Variants in LAMA4 observed in about 807,000 individuals in gnomAD.
LAMA4 encodes the protein laminin subunit alpha 4, also known as laminin subunit alpha-4.
LAMA4 carries 127 observed loss-of-function variants against 207.1 expected under a neutral mutation model. The ratio of observed to expected loss-of-function variants is 0.61; its 90% CI spans 0.53 to 0.71. The LOEUF (loss-of-function observed/expected upper bound fraction) is 0.71, where lower values mean the gene tolerates loss of function less well. LAMA4 is among the 30% of genes least tolerant of loss of function. The pLI, the probability that LAMA4 is intolerant of heterozygous loss-of-function variation, is 0.00. For missense variants in LAMA4, 2,093 were observed against 2,246.5 expected, an observed-to-expected ratio of 0.93 and a Z score of 1.38; for synonymous variants, 761 against 816.0, an observed-to-expected ratio of 0.93 and a Z score of 1.15.
Position 112,175,372 on chromosome 6 carries a change from C to T in LAMA4, c.1298G>A (p.Arg433His), listed in dbSNP as rs369658574. 3.5e-5 allele frequency: 56 copies of T among 1,614,180 alleles called. No individual in the cohort carries two copies. The highest frequency in any genetic ancestry group is 3.3e-4 in the Admixed American group (20 of 60,020). ...CTCCCGTTGGGTGAAAAATGGTTGACGGCTTCTAATCTCTTCAAGCATCTT... is the reference window on the plus strand; with the variant it reads ...CTCCCGTTGGGTGAAAAATGGTTGATGGCTTCTAATCTCTTCAAGCATCTT... ...AQKMLEEIRS[R>H]QPFFTQRELV... The change falls in exon 11 of 39, where the codon CGT becomes CAT. Residue 433 changes from arginine to histidine, a missense_variant. Arg to His is a conservative substitution (Grantham distance 29). This residue lies in a region of LAMA4 where 1,704 missense variants were observed against 1,788.4 expected (regional missense o/e 0.95). Transcript: ENST00000230538.
chr6:112,214,014 G>A, intron 3 of LAMA4: 1 of 763,810 alleles, frequency 1.3e-6, no homozygotes, highest in South Asian at 1.4e-5. Flanking sequence ...CTCCCTGAGA[G>A]CTGAGAATGA....
intron 3 of LAMA4, among the ~76,000 whole-genome samples, chr6:112,209,560 G>A (rs1031447219): frequency 1.3e-5 from 2 of 152,208 alleles, no homozygotes; most frequent in African/African-American, 4.8e-5. Context: ...CAGAGTGCTG[G>A]AGGCAGGGAG....
At chr6:112,234,400 C>G (rs782434275) in intron 2 of LAMA4, 77 of 152,156 alleles carry the variant, frequency 5.1e-4, no homozygotes, top group African/African-American at 1.7e-3. Context: ...CAGTGACTAG[C>G]TGAGATATAG....
rs561133440 is a variant in LAMA4, at chr6:112,244,309, G to A, written c.195+9647C>T. ...ACCAAAAGAAACTCCCACCAGCACC[G>A]TGACAGTTTACAAATGCCATGAAAT... On this transcript the variant is annotated intron_variant, in intron 2 of 38. Transcript: ENST00000230538. Among the ~76,000 whole-genome samples, 18 of 152,200 alleles carry A rather than the reference G, an allele frequency of 1.2e-4. 1 individual carries two copies. In the South Asian group the frequency reaches 1.2e-3, roughly 11 times the overall value.
chr6:112,200,055 A>G (rs1783642913), intron 5 of LAMA4: 1 of 523,654 alleles, frequency 1.9e-6, no homozygotes, highest in Admixed American at 2.0e-5. Context: ...CCTGTCTGAG[A>G]GACTCTTTGA....
At chr6:112,176,696 C>T (rs1342913840) in intron 10 of LAMA4, among the ~76,000 whole-genome samples, 8 of 152,144 alleles carry the variant, frequency 5.3e-5, no homozygotes, top group African/African-American at 1.7e-4. Flanking sequence ...CATTTTGGTG[C>T]AAGTCTTATA....
At chr6:112,226,553 C>T (rs1554362584) in intron 2 of LAMA4, among the ~76,000 whole-genome samples, 2 of 152,198 alleles carry the variant, frequency 1.3e-5, no homozygotes. Context: ...CGGAACATGA[C>T]ATTATAAATT....
intron 36 of LAMA4, 73 bp downstream of exon 36, chr6:112,115,790 T>C: frequency 7.0e-7 from 1 of 1,425,992 alleles, no homozygotes; most frequent in Non-Finnish European, 9.9e-7. Context: ...AATAATTCTG[T>C]GAAATAAATC....
intron 2 of LAMA4, among the ~76,000 whole-genome samples, chr6:112,249,747 G>C (rs1787294843): frequency 6.6e-6 from 1 of 152,270 alleles, no homozygotes; most frequent in African/African-American, 2.4e-5. Flanking sequence ...AGTACTCAAC[G>C]AGTATCAGCT....
chr6:112,191,618 G>A lies in LAMA4; in HGVS notation c.718+18C>T, dbSNP rs782681559. On this transcript the variant is annotated intron_variant, in intron 6 of 38. Transcript: ENST00000230538. ...TCATGCTGGCCAGGCAGCTGGCTTA[G>A]TATTTATGATACTGCACCTGCACAG... 45 of 1,583,268 alleles carry A rather than the reference G, an allele frequency of 2.8e-5. No individual in the cohort carries two copies. The highest frequency in any genetic ancestry group is 3.6e-5 in the Non-Finnish European group (42 of 1,152,378).
intron 2 of LAMA4, among the ~76,000 whole-genome samples, chr6:112,243,378 T>A (rs1470337878): frequency 6.6e-6 from 1 of 152,246 alleles, no homozygotes; most frequent in Admixed American, 6.5e-5. Flanking sequence ...ACTATGTGAT[T>A]CAGTATCTTA....
rs782224630 is a variant in LAMA4, at chr6:112,132,884, G to A, written c.3703C>T (p.Arg1235Cys). ...YGCPEDSLIS[R>C]RAYFNGQSFI... ...CTCTGTCCATTGAAATATGCTCTGC[G>A]AGATATCTGTGTGCCAGAACAAGTG... The change falls in exon 28 of 39, where the codon CGC becomes TGC. Residue 1235 changes from arginine to cysteine, a missense_variant. Arg to Cys is a radical substitution (Grantham distance 180). Coordinates refer to ENST00000230538, the MANE Select transcript of LAMA4 (RefSeq NM_001105206.3). The A allele has an allele frequency of 5.0e-6, 8 of 1,612,810 alleles. No individual in the cohort carries two copies. Among genetic ancestry groups the A allele is most frequent in the East Asian group, 2.2e-5 (1 of 44,852 alleles).
Position 112,181,848 on chromosome 6 carries a change from C to T in LAMA4, c.1077+3389G>A, listed in dbSNP as rs576800155. Among the ~76,000 whole-genome samples, 16 of 152,206 alleles carry T rather than the reference C, an allele frequency of 1.1e-4. No individual in the cohort carries two copies. The East Asian group carries it at 2.7e-3, about 26-fold the overall frequency. ...GCGCGGTGGCTCACGCCTGTAATTC[C>T]AGCACTTTGGGAGGCCGAGGCGGGT... On this transcript the variant is annotated intron_variant, in intron 9 of 38. Transcript: ENST00000230538.
chr6:112,214,528 A>G (rs1784521679), intron 3 of LAMA4, among the ~76,000 whole-genome samples: 3 of 152,334 alleles, frequency 2.0e-5, no homozygotes, highest in South Asian at 4.1e-4. Flanking sequence ...AATTATACTA[A>G]TGTATCTATA....
chr6:112,152,279 G>C (rs1436700842), intron 16 of LAMA4, among the ~76,000 whole-genome samples: 3 of 152,070 alleles, frequency 2.0e-5, no homozygotes, highest in Admixed American at 1.3e-4. Flanking sequence ...TCTGAGCCTT[G>C]AGATTTCTTT....
rs1554330535 is a variant in LAMA4 at position 112,133,386 on chromosome 6, GT to G, written c.3658del (p.Thr1220ProfsTer76). ...KDFNLLEQTE[T>X]LGVGYGCPED... The stretch of plus-strand genomic sequence containing the variant: ...TGGGCATCCATAACCAACTCCCAGG[GT>G]TTCTGTCTGCTCCAGTAAATTGAAG... On this transcript the variant is annotated frameshift_variant, in exon 27 of 39. Coordinates refer to ENST00000230538, the MANE Select transcript of LAMA4 (RefSeq NM_001105206.3). LOFTEE classifies it high-confidence loss of function. 1 of 1,613,806 alleles carries G rather than the reference GT, an allele frequency of 6.2e-7. No individual in the cohort carries two copies. Among genetic ancestry groups the G allele is most frequent in the Non-Finnish European group, 8.5e-7 (1 of 1,179,786 alleles).
At chr6:112,227,112 C>T (rs1394112467) in intron 2 of LAMA4, among the ~76,000 whole-genome samples, 1 of 151,554 alleles carries the variant, frequency 6.6e-6, no homozygotes, top group African/African-American at 2.4e-5. Context: ...CGCTCTGTTG[C>T]CCAGGCTGGA....
In LAMA4 at chr6:112,108,609, T is replaced by A. The variant is rs1777540271; in HGVS notation, c.*828A>T. Among the ~76,000 whole-genome samples the A allele has an allele frequency of 1.3e-5, 2 of 152,200 alleles. No individual in the cohort carries two copies. Among genetic ancestry groups the A allele is most frequent in the South Asian group, 4.1e-4 (2 of 4,830 alleles). On this transcript the variant is annotated 3_prime_UTR_variant, in exon 39 of 39. Transcript: ENST00000230538. ...TTTTTGCAGAGATGGGATCTCATTA[T>A]GTTGCCCAGGCTAGGAGCAAACTTT... is the stretch of plus-strand genomic sequence containing the variant.
chr6:112,161,068 C>A (rs1781026191), intron 13 of LAMA4, among the ~76,000 whole-genome samples: 1 of 152,174 alleles, frequency 6.6e-6, no homozygotes. Context: ...TTTTTCTGGT[C>A]TCTTACCTCT....
Sources: gnomAD v4.1 joint callset for allele counts (sites outside exome capture counted in the v4.1 genomes callset) on GRCh38, gnomAD v4.1.1 for gene constraint, gnomAD v4.1.1 regional missense constraint, MANE v1.5 for transcripts, NCBI Gene and HGNC (gene_info 2026-07-23, HGNC 2026-07-21) for gene names.